AGK: variants seen among roughly 807,000 people sequenced by gnomAD.
AGK encodes acylglycerol kinase.
Under a neutral mutation model 66.4 loss-of-function variants are expected in AGK, and 52 were observed. The ratio of observed to expected loss-of-function variants is 0.78; its 90% CI spans 0.63 to 0.99. AGK has a LOEUF of 0.99. AGK is among the 50% of genes least tolerant of loss of function. AGK has a pLI of 0.00. For missense variants in AGK, 451 were observed against 506.6 expected (o/e 0.89, Z 1.05); for synonymous variants, 182 against 181.1 (o/e 1.00, Z -0.04).
intron 11 of AGK, 85 bp downstream of exon 11, chr7:141,637,102 C>A (rs1369378846): frequency 3.6e-6 from 4 of 1,099,410 alleles, no homozygotes; most frequent in South Asian, 2.9e-5. Flanking sequence ...TTTTTTAATT[C>A]CTTGCTACAG....
At chr7:141,650,023 A>G (rs563693023) in intron 14 of AGK, among the ~76,000 whole-genome samples, 1 of 152,344 alleles carries the variant, frequency 6.6e-6, no homozygotes, top group Admixed American at 6.5e-5. Flanking sequence ...GCATCTGAGG[A>G]GCTGGTGTGT....
At chr7:141,619,084 A>G (rs1039081703) in intron 8 of AGK, among the ~76,000 whole-genome samples, 1 of 152,150 alleles carries the variant, frequency 6.6e-6, no homozygotes, top group African/African-American at 2.4e-5. Context: ...TTCTGTGTTC[A>G]TGGATTGTGA....
Position 141,615,465 on chromosome 7 carries a change from C to T in AGK, c.424-6C>T, listed in dbSNP as rs370409778. ...AATAAAACTTTCCTCTTCTTTCCCC[C>T]CCCAGGCTACCTTCAGTAAGATTCC... On this transcript the variant is annotated splice_polypyrimidine_tract_variant and splice_region_variant and intron_variant, in intron 7 of 15. Coordinates refer to ENST00000649286, the MANE Select transcript of AGK (RefSeq NM_018238.4). 6.2e-6 allele frequency: 10 copies of T among 1,612,218 alleles called. No individual in the cohort carries two copies. The highest frequency in any genetic ancestry group is 8.5e-6 in the Non-Finnish European group (10 of 1,178,620).
At chr7:141,559,403 C>G (rs911520912) in intron 2 of AGK, among the ~76,000 whole-genome samples, 1 of 152,054 alleles carries the variant, frequency 6.6e-6, no homozygotes, top group African/African-American at 2.4e-5. Context: ...CTTGGCATCC[C>G]TATTGAAGAT....
rs1797631149 is a variant in AGK at position 141,654,125 on chromosome 7, T to C, written c.*1201T>C. The C allele has an allele frequency of 6.6e-6, 1 of 152,174 alleles. No homozygotes were observed. Among genetic ancestry groups the C allele is most frequent in the East Asian group, 1.9e-4 (1 of 5,192 alleles). The allele number at this position is 152,174 out of a possible 1,614,324, so 9.4% of individuals were successfully genotyped here. ...CATTACTTCTTGTCAACAAAAAATA[T>C]AAATGGAAATTTTTTTTTTAGCTCT... On this transcript the variant is annotated 3_prime_UTR_variant, in exon 16 of 16. Transcript: ENST00000649286.
rs1436970616 is a variant in AGK, at chr7:141,566,091, A to C, written c.101+10524A>C. ...AGGATTTCTTGGAATGTCCTTGCAC[A>C]TGTTGTTCTCCGCGGAACATTCTGA... On this transcript the variant is annotated intron_variant, in intron 2 of 15. Transcript: ENST00000649286. Among the ~76,000 whole-genome samples, 5 of 152,356 alleles carry C rather than the reference A, an allele frequency of 3.3e-5. 1 individual carries two copies. The South Asian group carries it at 1.0e-3, about 32-fold the overall frequency.
rs115314353 is a variant in AGK, at chr7:141,590,070, T to C, written c.102-3076T>C. On this transcript the variant is annotated intron_variant, in intron 2 of 15. Coordinates refer to ENST00000649286, the MANE Select transcript of AGK (RefSeq NM_018238.4). ...AGGAGAGCTGAAATCTTTAATAATATATTTAATCACAAGCTAATAATCAGA... is the reference window on the plus strand; with the variant it reads ...AGGAGAGCTGAAATCTTTAATAATACATTTAATCACAAGCTAATAATCAGA... Among the ~76,000 whole-genome samples the C allele has an allele frequency of 2.7e-3, 417 of 152,314 alleles. 2 individuals carry two copies. The highest frequency in any genetic ancestry group is 9.6e-3 in the African/African-American group (398 of 41,566).
chr7:141,645,094 A>G (rs1797381479), intron 13 of AGK, among the ~76,000 whole-genome samples: 1 of 152,106 alleles, frequency 6.6e-6, no homozygotes, highest in Admixed American at 6.5e-5. Flanking sequence ...CCACATAAAA[A>G]TGTTATAATA....
chr7:141,560,195 G>T (rs1331801965), intron 2 of AGK, among the ~76,000 whole-genome samples: 1 of 151,444 alleles, frequency 6.6e-6, no homozygotes, highest in Admixed American at 6.6e-5. Flanking sequence ...TCAAAATTGG[G>T]TATGATGTTA....
intron 2 of AGK, among the ~76,000 whole-genome samples, chr7:141,589,960 G>T (rs1463463965): frequency 1.3e-5 from 2 of 152,106 alleles, no homozygotes; most frequent in African/African-American, 4.8e-5. Context: ...ATTCCATTTG[G>T]CACATTAAAT....
At chr7:141,568,775 C>T (rs1587069739) in intron 2 of AGK, among the ~76,000 whole-genome samples, 1 of 151,916 alleles carries the variant, frequency 6.6e-6, no homozygotes, top group South Asian at 2.1e-4. Flanking sequence ...GGGGTTTCAC[C>T]ATGTTGGCCA....
chr7:141,582,627 G>T (rs1435277080), intron 2 of AGK, among the ~76,000 whole-genome samples: 1 of 151,940 alleles, frequency 6.6e-6, no homozygotes, highest in Non-Finnish European at 1.5e-5. Context: ...TTTTATATTT[G>T]ATGAAAAAGA....
intron 2 of AGK, among the ~76,000 whole-genome samples, chr7:141,575,435 A>G (rs1033964779): frequency 2.6e-5 from 4 of 152,188 alleles, no homozygotes; most frequent in Non-Finnish European, 1.5e-5. Flanking sequence ...ACCTGAGCTT[A>G]TAGAATTACA....
chr7:141,562,018 T>A (rs988466852), intron 2 of AGK: 3 of 456,040 alleles, frequency 6.6e-6, no homozygotes, highest in Non-Finnish European at 1.3e-5. Context: ...GTAATCCATA[T>A]TCAGGTCTCT....
At chr7:141,622,713 C>CTT (rs1196589630) in intron 9 of AGK, among the ~76,000 whole-genome samples, 2 of 152,148 alleles carry the variant, frequency 1.3e-5, no homozygotes, top group Non-Finnish European at 2.9e-5. Flanking sequence ...TACTTGGCCT[C>CTT]TAAGTGTTCA....
rs139393077 is a variant in AGK at position 141,555,811 on chromosome 7, T to C, written c.101+244T>C. ...CAGAAAGGAAGCTATTTTTATTCAT[T>C]ATATTTATAGTGGAAGAGATTAAGA... On this transcript the variant is annotated intron_variant, in intron 2 of 15. Transcript: ENST00000649286. This position sits in a 1 kb window ranked among gnomAD's most constrained non-coding sequence, Gnocchi z 4.2. 2.6e-5 allele frequency among the ~76,000 whole-genome samples: 4 copies of C among 152,348 alleles called. No homozygotes were observed. The highest frequency in any genetic ancestry group is 5.9e-5 in the Non-Finnish European group (4 of 68,032).
intron 5 of AGK, among the ~76,000 whole-genome samples, chr7:141,602,848 CATA>C (rs1441472418): frequency 9.9e-5 from 15 of 151,898 alleles, no homozygotes; most frequent in Non-Finnish European, 2.9e-5. Flanking sequence ...CTTTTTGATG[CATA>C]ATATTTTTAT....
chr7:141,617,985 GA>G lies in AGK; in HGVS notation c.518+2427del, dbSNP rs1321986882. On this transcript the variant is annotated intron_variant, in intron 8 of 15. Transcript: ENST00000649286. ...TCCCAAGTAGCATCTATATTGGAGA[GA>G]AAAAAATGGTGTAAAAATGAGTTGA... 5.9e-5 allele frequency among the ~76,000 whole-genome samples: 9 copies of G among 152,012 alleles called. No individual in the cohort carries two copies. In the South Asian group the frequency reaches 6.2e-4, roughly 11 times the overall value.
rs144576275 is a variant in AGK at position 141,606,850 on chromosome 7, A to G, written c.298-4345A>G. On this transcript the variant is annotated intron_variant, in intron 5 of 15. Coordinates refer to ENST00000649286, the MANE Select transcript of AGK (RefSeq NM_018238.4). ...GCTGTACCTATTCATCCTTCCCTCC[A>G]CAGCTGTTTTTACTGTCACCATACT... Among the ~76,000 whole-genome samples, 219 of 152,084 alleles carry G rather than the reference A, an allele frequency of 1.4e-3. 1 individual carries two copies. Among genetic ancestry groups the G allele is most frequent in the African/African-American group, 5.1e-3 (211 of 41,512 alleles).
Sources: allele counts gnomAD v4.1 joint callset (sites outside exome capture counted in the v4.1 genomes callset), GRCh38; gene constraint gnomAD v4.1.1; non-coding constraint Gnocchi (gnomAD v3.1); transcripts MANE v1.5; gene names NCBI Gene and HGNC (gene_info 2026-07-23, HGNC 2026-07-21).